Variants in POTEJ observed in about 807,000 individuals in gnomAD.
The protein encoded by POTEJ is POTE ankyrin domain family, member J.
Under a neutral mutation model 69.0 loss-of-function variants are expected in POTEJ, and 11 were observed. That is an observed-to-expected ratio of 0.16 (90% CI 0.10 to 0.26). The LOEUF (loss-of-function observed/expected upper bound fraction) is 0.26. Among genes scored for constraint, POTEJ ranks in the 10% least tolerant of loss-of-function variants. The pLI is 1.00. For missense variants in POTEJ, 327 were observed against 1,045.5 expected, an observed-to-expected ratio of 0.31 and a Z score of 9.48; for synonymous variants, 117 against 381.1, an observed-to-expected ratio of 0.31 and a Z score of 8.07.
chr2:130,634,350 A>G, intron 9 of POTEJ, among the ~76,000 whole-genome samples: 1 of 146,136 alleles, frequency 6.8e-6, no homozygotes, highest in Non-Finnish European at 1.5e-5. Flanking sequence ...TCATTTATAA[A>G]ATAAGATTAT....
At chr2:130,637,305 C>CTATTT (rs112513092) in intron 9 of POTEJ, among the ~76,000 whole-genome samples, 121 of 142,310 alleles carry the variant, frequency 8.5e-4, no homozygotes, top group Middle Eastern at 3.5e-3. Flanking sequence ...GCAAACTTTA[C>CTATTT]TATTTTATTT....
At chr2:130,613,363 CAT>C (rs1175947054) in intron 1 of POTEJ, among the ~76,000 whole-genome samples, 9 of 91,440 alleles carry the variant, frequency 9.8e-5, no homozygotes, top group Non-Finnish European at 1.6e-4. Flanking sequence ...TATATATATA[CAT>C]ATATATGTGT....
chr2:130,626,119 G>A (rs1455274306), intron 6 of POTEJ, among the ~76,000 whole-genome samples: 5 of 150,016 alleles, frequency 3.3e-5, no homozygotes, highest in African/African-American at 1.2e-4. Flanking sequence ...AGAAAACTTA[G>A]AAGCATGCAA....
chr2:130,630,926 A>C (rs1399343565), intron 7 of POTEJ, among the ~76,000 whole-genome samples: 2 of 143,240 alleles, frequency 1.4e-5, no homozygotes, highest in Non-Finnish European at 3.0e-5. Flanking sequence ...AATAATTTAA[A>C]TGGTGCCTAC....
chr2:130,637,090 A>C (rs377361675), intron 9 of POTEJ, among the ~76,000 whole-genome samples: 4 of 140,770 alleles, frequency 2.8e-5, no homozygotes, highest in East Asian at 2.2e-4. Flanking sequence ...AAAAAAAAAA[A>C]AAAACAAGTT....
In POTEJ at chr2:130,656,861, C is replaced by T. The variant is rs766256809; in HGVS notation, c.2101C>T (p.Pro701Ser). 58 of 1,586,072 alleles carry T rather than the reference C, an allele frequency of 3.7e-5. 2 individuals are homozygous for T. The African/African-American group carries it at 7.5e-4, about 21-fold the overall frequency. The change falls in exon 15 of 15, where the codon CCC becomes TCC. Residue 701 changes from proline to serine, a missense_variant. Transcript: ENST00000409602. ...TGTCTTCCCTTCCATCGTGGGGTGC[C>T]CCAGGCAGCAGGGCATGATGGGGGG... The part of the protein sequence containing the change: ...RAVFPSIVGC[P>S]RQQGMMGGMH...
chr2:130,650,274 A>T (rs2105259076), intron 13 of POTEJ, among the ~76,000 whole-genome samples: 1 of 152,398 alleles, frequency 6.6e-6, no homozygotes, highest in East Asian at 1.9e-4. Flanking sequence ...CTTTCTCAGC[A>T]GGGACTTTTC....
chr2:130,655,360 C>T (rs1686947452), intron 14 of POTEJ, among the ~76,000 whole-genome samples: 1 of 152,204 alleles, frequency 6.6e-6, no homozygotes, highest in Non-Finnish European at 1.5e-5. Flanking sequence ...CGTTTTTGGA[C>T]ATTAGTTTTT....
intron 13 of POTEJ, among the ~76,000 whole-genome samples, chr2:130,650,148 T>C (rs1686755680): frequency 6.6e-6 from 1 of 152,272 alleles, no homozygotes; most frequent in African/African-American, 2.4e-5. Flanking sequence ...AACAAAGTGA[T>C]TTATCATCTC....
rs1685910444 is a variant in POTEJ at position 130,631,813 on chromosome 2, T to C, written c.1131+360T>C. ...TTCTGTGTATCTTCCAGCTAGATAA[T>C]TGTATGGCTATTCAATGTGAAATTT... On this transcript the variant is annotated intron_variant, in intron 8 of 14. Transcript: ENST00000409602. 1.4e-5 allele frequency among the ~76,000 whole-genome samples: 2 copies of C among 142,864 alleles called. 1 individual carries two copies. The allele number at this position is 142,864 out of a possible 152,430, so 93.7% of individuals were successfully genotyped here.
At chr2:130,625,390 G>C (rs1393787633) in intron 6 of POTEJ, among the ~76,000 whole-genome samples, 3 of 151,822 alleles carry the variant, frequency 2.0e-5, no homozygotes, top group Non-Finnish European at 4.4e-5. Context: ...TGTTATCATT[G>C]TCATTTTCAT....
chr2:130,613,257 C>CATATATACATATATACACATATGT (rs1685283900), intron 1 of POTEJ, among the ~76,000 whole-genome samples: 1 of 99,100 alleles, frequency 1.0e-5, no homozygotes, highest in Non-Finnish European at 1.9e-5. Context: ...TATATATACA[C>CATATATACATATATACACATATGT]ATATATACAT....
chr2:130,636,568 T>C (rs2105231532), intron 9 of POTEJ, among the ~76,000 whole-genome samples: 1 of 148,086 alleles, frequency 6.8e-6, no homozygotes, highest in East Asian at 1.9e-4. Context: ...AACATTTCAT[T>C]TTCCTGCTTT....
intron 9 of POTEJ, among the ~76,000 whole-genome samples, chr2:130,632,932 G>T (rs1685959391): frequency 6.8e-6 from 1 of 147,078 alleles, no homozygotes; most frequent in South Asian, 2.1e-4. Flanking sequence ...CATGTGCAGG[G>T]TTATTATATA....
intron 10 of POTEJ, among the ~76,000 whole-genome samples, chr2:130,643,140 A>T (rs577181721): frequency 1.4e-5 from 2 of 146,656 alleles, no homozygotes; most frequent in South Asian, 2.1e-4. Flanking sequence ...GCAGTAGAAA[A>T]ATCAGTAAAG....
In POTEJ at chr2:130,656,490, A is replaced by G. The variant is rs1359737200; in HGVS notation, c.1789-59A>G. 9.1e-5 allele frequency: 141 copies of G among 1,557,220 alleles called. 1 individual carries two copies. The highest frequency in any genetic ancestry group is 1.1e-4 in the Non-Finnish European group (129 of 1,150,546). On this transcript the variant is annotated intron_variant, in intron 14 of 14. Coordinates refer to ENST00000409602, the MANE Select transcript of POTEJ (RefSeq NM_001277083.2). ...ATACATGTTATTTTTGAATTTCAAA[A>G]GAAATCATGTTATGTCAATCTATTG...
At chr2:130,613,400 A>ATATATATC (rs1223580792) in intron 1 of POTEJ, among the ~76,000 whole-genome samples, 3 of 142,878 alleles carry the variant, frequency 2.1e-5, no homozygotes, top group African/African-American at 8.0e-5. Context: ...ATATATATAT[A>ATATATATC]TATATATATA....
chr2:130,629,081 G>A (rs1366983811), intron 6 of POTEJ, among the ~76,000 whole-genome samples: 1 of 152,152 alleles, frequency 6.6e-6, no homozygotes, highest in African/African-American at 2.4e-5. Flanking sequence ...AAACATTTTA[G>A]ATATTGGGAA....
chr2:130,640,590 C>A (rs1336389703), intron 10 of POTEJ, among the ~76,000 whole-genome samples: 3 of 151,992 alleles, frequency 2.0e-5, no homozygotes, highest in African/African-American at 7.3e-5. Flanking sequence ...TAATCCGCAG[C>A]AGCTCCAAAC....
Sources: allele counts gnomAD v4.1 joint callset (sites outside exome capture counted in the v4.1 genomes callset), GRCh38; gene constraint gnomAD v4.1.1; transcripts MANE v1.5; gene names NCBI Gene and HGNC (gene_info 2026-07-23, HGNC 2026-07-21).